The following SASH1 variants were observed in gnomAD, a reference collection of about 807,000 sequenced individuals.
The protein encoded by SASH1 is SAM and SH3 domain containing 1.
A neutral mutation model predicts 125.2 loss-of-function variants in SASH1; 44 were observed. The ratio of observed to expected loss-of-function variants is 0.35; its 90% CI spans 0.28 to 0.45. The LOEUF is 0.45. Ranked by LOEUF, SASH1 falls within the 20% of genes least tolerant of loss-of-function variation. The pLI is 1.00. For missense variants in SASH1, 1,426 were observed against 1,614.5 expected, an observed-to-expected ratio of 0.88 and a Z score of 2.00; for synonymous variants, 639 against 649.1, an observed-to-expected ratio of 0.98 and a Z score of 0.24.
chr6:148,238,425 T>C, the SASH1 span, among the ~76,000 whole-genome samples: 1 of 152,126 alleles, frequency 6.6e-6, no homozygotes, highest in Non-Finnish European at 1.5e-5. Flanking sequence ...AGTTTCATCA[T>C]GTTGGCCATG....
At chr6:148,323,360 C>T (rs971365983) in intron 1 of SASH1, among the ~76,000 whole-genome samples, 1 of 152,156 alleles carries the variant, frequency 6.6e-6, no homozygotes, top group Non-Finnish European at 1.5e-5. Flanking sequence ...GTCCCATCTC[C>T]AATGATTCTG....
At chr6:148,358,060 CAAAAAAAA>C (rs34729070) in intron 1 of SASH1, among the ~76,000 whole-genome samples, 38 of 65,618 alleles carry the variant, frequency 5.8e-4, no homozygotes, top group East Asian at 3.8e-3. Flanking sequence ...AACTCCGTCT[CAAAAAAAA>C]AAAAAAAAAA....
chr6:148,205,169 T>G, the SASH1 span, among the ~76,000 whole-genome samples: 2 of 152,222 alleles, frequency 1.3e-5, no homozygotes, highest in African/African-American at 4.8e-5. Flanking sequence ...GATTTATCAA[T>G]GTCATTCGCC....
the SASH1 span, among the ~76,000 whole-genome samples, chr6:148,219,552 C>A: frequency 1.8e-4 from 27 of 152,196 alleles, no homozygotes; most frequent in African/African-American, 5.3e-4. Flanking sequence ...TAACCTGTCA[C>A]CTTTATCCTC....
intron 2 of SASH1, among the ~76,000 whole-genome samples, chr6:148,396,573 C>G (rs1480791329): frequency 6.6e-6 from 1 of 150,686 alleles, no homozygotes; most frequent in African/African-American, 2.4e-5. Context: ...ATAACTTAAA[C>G]CTTCCAAATA....
chr6:148,275,999 G>C (rs1179677622), intron 1 of SASH1, among the ~76,000 whole-genome samples: 1 of 152,210 alleles, frequency 6.6e-6, no homozygotes, highest in Admixed American at 6.5e-5. Flanking sequence ...GGGATTTCAG[G>C]CATGAGCCAC....
intron 8 of SASH1, among the ~76,000 whole-genome samples, chr6:148,500,754 G>A (rs962657766): frequency 7.2e-5 from 11 of 151,812 alleles, no homozygotes; most frequent in East Asian, 1.9e-4. Flanking sequence ...TGCTCTTGGC[G>A]CAATATTTTT....
At chr6:148,211,793 T>C in the SASH1 span, among the ~76,000 whole-genome samples, 1 of 152,136 alleles carries the variant, frequency 6.6e-6, no homozygotes, top group African/African-American at 2.4e-5. Context: ...CCAGGTGCCA[T>C]GATGTGGGTG....
chr6:148,216,641 G>A, the SASH1 span, among the ~76,000 whole-genome samples: 37 of 152,304 alleles, frequency 2.4e-4, 1 homozygote, highest in East Asian at 6.0e-3. Context: ...TGGGGAGAGT[G>A]TCCCACAGTG....
intron 1 of SASH1, among the ~76,000 whole-genome samples, chr6:148,379,522 G>T (rs1783048580): frequency 6.6e-6 from 1 of 152,180 alleles, no homozygotes; most frequent in Admixed American, 6.5e-5. Context: ...TTAGCGGGCA[G>T]TCTGTCAATT....
At chr6:148,220,579 T>G in the SASH1 span, among the ~76,000 whole-genome samples, 1 of 152,080 alleles carries the variant, frequency 6.6e-6, no homozygotes, top group Non-Finnish European at 1.5e-5. Context: ...AATGATTGGA[T>G]GGGGAAAACA....
intron 2 of SASH1, among the ~76,000 whole-genome samples, chr6:148,435,242 G>A (rs180776116): frequency 2.8e-4 from 42 of 152,116 alleles, no homozygotes; most frequent in Admixed American, 2.7e-3. Context: ...TCTGGGCGTG[G>A]TGGTGGGTAC....
At chr6:148,299,765 A>G (rs902916133) in intron 1 of SASH1, among the ~76,000 whole-genome samples, 3 of 152,030 alleles carry the variant, frequency 2.0e-5, no homozygotes, top group African/African-American at 7.3e-5. Flanking sequence ...GTCAACCTGT[A>G]TTAGGAGGGG....
chr6:148,446,068 A>G (rs1776755454), intron 4 of SASH1, among the ~76,000 whole-genome samples: 1 of 137,044 alleles, frequency 7.3e-6, no homozygotes, highest in Admixed American at 7.7e-5. Flanking sequence ...GCACATTGCT[A>G]TCCTGAACAA....
rs1326914003 is a variant in SASH1 at position 148,389,906 on chromosome 6, T to G, written c.157-228T>G. Among the ~76,000 whole-genome samples, 4 of 152,190 alleles carry G rather than the reference T, an allele frequency of 2.6e-5. No individual in the cohort carries two copies. The East Asian group carries it at 7.7e-4, about 29-fold the overall frequency. Reference sequence around the variant, plus strand: ...GGGATTTGTGGGCAGTCGCTCAACTTCTTTGAGCTCCTGTTTACCCATCAA... The same window carrying G: ...GGGATTTGTGGGCAGTCGCTCAACTGCTTTGAGCTCCTGTTTACCCATCAA... On this transcript the variant is annotated intron_variant, in intron 1 of 19. Transcript: ENST00000367467.
intron 2 of SASH1, among the ~76,000 whole-genome samples, chr6:148,402,915 C>T (rs756401056): frequency 1.3e-4 from 20 of 151,964 alleles, no homozygotes; most frequent in Non-Finnish European, 2.2e-4. Context: ...GGCCCAAAAA[C>T]GACATTTTTA....
intron 2 of SASH1, among the ~76,000 whole-genome samples, chr6:148,414,213 G>C (rs1487923378): frequency 2.6e-5 from 4 of 152,058 alleles, no homozygotes; most frequent in Admixed American, 2.6e-4. Flanking sequence ...AGGTCTTAAG[G>C]CACAGTCAGA....
intron 1 of SASH1, among the ~76,000 whole-genome samples, chr6:148,389,664 A>G (rs9498028): frequency 0.23 from 34,909 of 152,072 alleles, 4,024 homozygotes; most frequent in Middle Eastern, 0.28. Context: ...GGGTCCTGAC[A>G]TCTCTTTTAT....
At chr6:148,397,733 A>C (rs181364880) in intron 2 of SASH1, among the ~76,000 whole-genome samples, 1 of 152,218 alleles carries the variant, frequency 6.6e-6, no homozygotes, top group African/African-American at 2.4e-5. Flanking sequence ...GGCACATAAT[A>C]GGTGCCCAAT....
Sources: gnomAD v4.1 joint callset for allele counts (sites outside exome capture counted in the v4.1 genomes callset) on GRCh38, gnomAD v4.1.1 for gene constraint, MANE v1.5 for transcripts, NCBI Gene and HGNC (gene_info 2026-07-23, HGNC 2026-07-21) for gene names.